Variants in SYT17 observed in about 807,000 individuals in gnomAD.
SYT17 encodes synaptotagmin 17.
Under a neutral mutation model 46.7 loss-of-function variants are expected in SYT17, and 22 were observed. That is an observed-to-expected ratio of 0.47 (90% CI 0.34 to 0.67). SYT17 has a LOEUF of 0.67. Among genes scored for constraint, SYT17 ranks in the 30% least tolerant of loss-of-function variants. The pLI is 0.01. For synonymous variants in SYT17, 251 were observed against 248.4 expected (o/e 1.01, Z -0.10); for missense variants, 519 against 612.8 (o/e 0.85, Z 1.62).
intron 5 of SYT17, among the ~76,000 whole-genome samples, chr16:19,211,624 A>AT (rs10716359): frequency 0.018 from 2,580 of 143,436 alleles, 64 homozygotes; most frequent in African/African-American, 0.054. Context: ...ACGATCTTGT[A>AT]TTTTTTTTTT....
At chr16:19,229,511 G>A (rs540183737) in intron 7 of SYT17, among the ~76,000 whole-genome samples, 2 of 152,224 alleles carry the variant, frequency 1.3e-5, no homozygotes, top group East Asian at 3.9e-4. Flanking sequence ...CCATTCATGA[G>A]AAATCCACTC....
rs746852150 is a variant in SYT17, at chr16:19,183,968, G to A, written c.772G>A (p.Glu258Lys). ...CAAGACCCAGAAGCCCGTGTTTGAGGAGCGCTACACCTTCGAGATCCCCTT... is the reference window on the plus strand; with the variant it reads ...CAAGACCCAGAAGCCCGTGTTTGAGAAGCGCTACACCTTCGAGATCCCCTT... The part of the protein sequence containing the change: ...KRKTQKPVFE[E>K]RYTFEIPFLE... The change falls in exon 5 of 8, where the codon GAG becomes AAG. Residue 258 changes from glutamate (E) to lysine (K), a missense_variant. Coordinates refer to ENST00000355377, the MANE Select transcript of SYT17 (RefSeq NM_016524.4). The surrounding 1 kb of genome is among the most constrained non-coding windows in gnomAD (Gnocchi z 5.6). 3.7e-6 allele frequency: 6 copies of A among 1,614,172 alleles called. No individual in the cohort carries two copies. Among genetic ancestry groups the A allele is most frequent in the Non-Finnish European group, 4.2e-6 (5 of 1,180,048 alleles).
chr16:19,266,818 T>C, intron 7 of SYT17, 62 bp from the exon 8 acceptor site: 2 of 1,498,952 alleles, frequency 1.3e-6, no homozygotes, highest in South Asian at 2.5e-5. Context: ...CTCCCTGCCT[T>C]CCTGTTCTGT....
intron 7 of SYT17, among the ~76,000 whole-genome samples, chr16:19,240,230 C>T (rs1046377142): frequency 3.3e-5 from 5 of 152,198 alleles, no homozygotes; most frequent in African/African-American, 1.2e-4. Context: ...TGCCATTTGG[C>T]AGGCCCTGAG....
chr16:19,258,237 A>T (rs1210439660), intron 7 of SYT17, among the ~76,000 whole-genome samples: 1 of 152,134 alleles, frequency 6.6e-6, no homozygotes, highest in Admixed American at 6.6e-5. Flanking sequence ...CAGTGAAAGC[A>T]ACTGCCTTAA....
chr16:19,184,379 T>C (rs1964692065), intron 5 of SYT17, among the ~76,000 whole-genome samples: 2 of 151,456 alleles, frequency 1.3e-5, no homozygotes, highest in Admixed American at 1.3e-4. Flanking sequence ...AACCTAGAGC[T>C]TACTCAGATT....
intron 5 of SYT17, 114 bp downstream of exon 5, chr16:19,184,261 A>T: frequency 7.1e-7 from 1 of 1,401,910 alleles, no homozygotes; most frequent in South Asian, 1.5e-5. Context: ...TTTTATTTTG[A>T]AATAATTTTT....
At chr16:19,186,049 C>G (rs1353230995) in intron 5 of SYT17, among the ~76,000 whole-genome samples, 1 of 152,178 alleles carries the variant, frequency 6.6e-6, no homozygotes, top group African/African-American at 2.4e-5. Flanking sequence ...TGAAGAGGGA[C>G]AGCCGGGCCT....
chr16:19,243,879 G>A (rs1230368699), intron 7 of SYT17, among the ~76,000 whole-genome samples: 2 of 146,684 alleles, frequency 1.4e-5, no homozygotes, highest in African/African-American at 5.0e-5. Flanking sequence ...ATAAAATAAG[G>A]GCCCCAGCCT....
chr16:19,208,719 A>G (rs1418082768), intron 5 of SYT17, among the ~76,000 whole-genome samples: 1 of 151,886 alleles, frequency 6.6e-6, no homozygotes, highest in Non-Finnish European at 1.5e-5. Context: ...GGCTGGCAAT[A>G]TTTGGTGTCT....
At chr16:19,189,283 CA>C (rs912700715) in intron 5 of SYT17, among the ~76,000 whole-genome samples, 2 of 151,728 alleles carry the variant, frequency 1.3e-5, no homozygotes, top group African/African-American at 4.9e-5. Flanking sequence ...TACAATGACC[CA>C]ATTTCCAAAT....
intron 7 of SYT17, among the ~76,000 whole-genome samples, chr16:19,253,046 C>T (rs1416835584): frequency 1.3e-5 from 2 of 152,196 alleles, no homozygotes; most frequent in Non-Finnish European, 2.9e-5. Flanking sequence ...GTGGAGACCA[C>T]ACTTCGGGAA....
At chr16:19,211,481 A>G (rs566971989) in intron 5 of SYT17, 1 of 703,898 alleles carries the variant, frequency 1.4e-6, no homozygotes, top group South Asian at 1.5e-5. Flanking sequence ...GAAGGAAATG[A>G]CAAGGTGGTG....
chr16:19,261,061 G>C lies in SYT17; in HGVS notation c.1229-5819G>C, dbSNP rs529058494. 7.2e-5 allele frequency among the ~76,000 whole-genome samples: 11 copies of C among 152,030 alleles called. 1 individual carries two copies. Among genetic ancestry groups the C allele is most frequent in the African/African-American group, 2.7e-4 (11 of 41,430 alleles). The stretch of plus-strand genomic sequence containing the variant: ...TTACTATGTTGCCCAAGCTGGTCTC[G>C]AACTCCTGGGCTCAAGAGATCCTCC... On this transcript the variant is annotated intron_variant, in intron 7 of 7. Coordinates refer to ENST00000355377, the MANE Select transcript of SYT17 (RefSeq NM_016524.4).
Position 19,260,909 on chromosome 16 carries a change from T to C in SYT17, c.1229-5971T>C, listed in dbSNP as rs1005335826. On this transcript the variant is annotated intron_variant, in intron 7 of 7. Coordinates refer to ENST00000355377, the MANE Select transcript of SYT17 (RefSeq NM_016524.4). ...CAAATACTGCAAATTTTATCACCAATTAGCTATGTGACTTGGTTTCCTTAC... is the reference window on the plus strand; with the variant it reads ...CAAATACTGCAAATTTTATCACCAACTAGCTATGTGACTTGGTTTCCTTAC... Among the ~76,000 whole-genome samples the C allele has an allele frequency of 2.0e-5, 3 of 152,200 alleles. No individual in the cohort carries two copies. The East Asian group carries it at 5.8e-4, about 29-fold the overall frequency.
Position 19,248,078 on chromosome 16 carries a change from G to A in SYT17, c.1229-18802G>A, listed in dbSNP as rs189010779. 3.6e-4 allele frequency among the ~76,000 whole-genome samples: 55 copies of A among 152,220 alleles called. No homozygotes were observed. In the South Asian group the frequency reaches 9.5e-3, roughly 26 times the overall value. ...GGCAAAAGCTTTGAAAAGGCACACC[G>A]CACAAAAAGAGAATACATAGATAGC... On this transcript the variant is annotated intron_variant, in intron 7 of 7. Coordinates refer to ENST00000355377, the MANE Select transcript of SYT17 (RefSeq NM_016524.4).
intron 7 of SYT17, among the ~76,000 whole-genome samples, chr16:19,249,208 A>G (rs1967831398): frequency 6.6e-6 from 1 of 152,130 alleles, no homozygotes; most frequent in Non-Finnish European, 1.5e-5. Flanking sequence ...CAGAAGGCGG[A>G]GCTTGCAGTG....
intron 3 of SYT17, 171 bp from the exon 4 acceptor site, chr16:19,180,220 G>T: frequency 1.6e-6 from 1 of 616,962 alleles, no homozygotes. Flanking sequence ...TGTGCAAAAA[G>T]CAAGACGTTG....
intron 5 of SYT17, among the ~76,000 whole-genome samples, chr16:19,186,682 G>C (rs191458426): frequency 6.2e-4 from 94 of 152,300 alleles, no homozygotes; most frequent in African/African-American, 2.2e-3. Flanking sequence ...AATGCCTTCT[G>C]TCTCTCATTC....
Sources: allele counts gnomAD v4.1 joint callset (sites outside exome capture counted in the v4.1 genomes callset), GRCh38; gene constraint gnomAD v4.1.1; non-coding constraint Gnocchi (gnomAD v3.1); transcripts MANE v1.5; gene names NCBI Gene and HGNC (gene_info 2026-07-23, HGNC 2026-07-21).